MCTP1: variants seen among roughly 807,000 people sequenced by gnomAD.
MCTP1 encodes multiple C2 and transmembrane domain-containing protein 1.
Under a neutral mutation model 120.6 loss-of-function variants are expected in MCTP1, and 69 were observed. The observed-to-expected ratio is 0.57, with a 90% CI of 0.47 to 0.70. MCTP1 has a LOEUF of 0.70. Ranked by LOEUF, MCTP1 falls within the 30% of genes least tolerant of loss-of-function variation. The pLI, the probability that MCTP1 is intolerant of heterozygous loss-of-function variation, is 0.00. For missense variants in MCTP1, 1,203 were observed against 1,248.8 expected (o/e 0.96, Z 0.55); for synonymous variants, 529 against 493.1 (o/e 1.07, Z -0.96).
intron 1 of MCTP1, among the ~76,000 whole-genome samples, chr5:95,065,396 T>C (rs1404952460): frequency 6.6e-6 from 1 of 152,028 alleles, no homozygotes; most frequent in Non-Finnish European, 1.5e-5. Context: ...CAGAAACATA[T>C]ATAAATGATA....
intron 20 of MCTP1, among the ~76,000 whole-genome samples, chr5:94,711,771 C>T (rs1302050854): frequency 6.7e-6 from 1 of 148,332 alleles, no homozygotes; most frequent in Non-Finnish European, 1.5e-5. Context: ...TTTACTGAGA[C>T]AAAAAGGGAA....
rs1201996236 is a variant in MCTP1, at chr5:95,258,637, CAG to C, written c.720+25217_720+25218del. Reference sequence around the variant, plus strand: ...CTACAGTCATGTAAGCTACTAATAACAGGGGAAACTAGGTACAAAGTACATGG... The same window carrying C: ...CTACAGTCATGTAAGCTACTAATAACGGGAAACTAGGTACAAAGTACATGG... On this transcript the variant is annotated intron_variant, in intron 1 of 22. Transcript: ENST00000515393. Among the ~76,000 whole-genome samples, 29 of 152,268 alleles carry C rather than the reference CAG, an allele frequency of 1.9e-4. No homozygotes were observed. The South Asian group carries it at 2.1e-3, about 11-fold the overall frequency.
intron 1 of MCTP1, among the ~76,000 whole-genome samples, chr5:95,270,023 C>A (rs1759235072): frequency 6.6e-6 from 1 of 152,048 alleles, no homozygotes; most frequent in African/African-American, 2.4e-5. Flanking sequence ...TAAGATGAGG[C>A]TATAGAATAT....
intron 6 of MCTP1, among the ~76,000 whole-genome samples, chr5:94,929,082 A>T (rs552749446): frequency 2.4e-4 from 37 of 152,328 alleles, no homozygotes; most frequent in African/African-American, 8.2e-4. Flanking sequence ...AAGGAACAGG[A>T]AATTCCATGA....
chr5:94,800,651 T>A (rs983749886), intron 17 of MCTP1, among the ~76,000 whole-genome samples: 2 of 152,216 alleles, frequency 1.3e-5, no homozygotes, highest in African/African-American at 4.8e-5. Flanking sequence ...TTAATATTTC[T>A]CTAATATTTA....
chr5:94,812,207 ACT>A (rs1783572156), intron 17 of MCTP1, among the ~76,000 whole-genome samples: 1 of 152,126 alleles, frequency 6.6e-6, no homozygotes. Context: ...GTGATGTCAC[ACT>A]CTCACATGAT....
chr5:94,777,785 T>G (rs189139237), intron 19 of MCTP1, among the ~76,000 whole-genome samples: 2 of 152,126 alleles, frequency 1.3e-5, no homozygotes, highest in African/African-American at 2.4e-5. Flanking sequence ...CAAGCACATA[T>G]GTGTTTTTGC....
intron 17 of MCTP1, among the ~76,000 whole-genome samples, chr5:94,850,973 T>G (rs1466107338): frequency 1.3e-5 from 2 of 152,078 alleles, no homozygotes; most frequent in Non-Finnish European, 2.9e-5. Context: ...CATTCAATAT[T>G]TAGAGTAATT....
intron 1 of MCTP1, among the ~76,000 whole-genome samples, chr5:95,276,697 C>G (rs987674525): frequency 1.8e-4 from 28 of 151,574 alleles, no homozygotes; most frequent in Admixed American, 4.6e-4. Flanking sequence ...CGCCTGTAAT[C>G]CCAGCACTTT....
intron 2 of MCTP1, among the ~76,000 whole-genome samples, chr5:94,995,813 G>C (rs927623158): frequency 6.6e-6 from 1 of 152,092 alleles, no homozygotes; most frequent in African/African-American, 2.4e-5. Context: ...ACAAATGGAA[G>C]TAAAAAATGC....
chr5:94,723,337 T>A (rs747638247), intron 19 of MCTP1, among the ~76,000 whole-genome samples: 40 of 152,308 alleles, frequency 2.6e-4, no homozygotes, highest in Non-Finnish European at 5.3e-4. Context: ...AGATAGTATA[T>A]TTTTCTCTTA....
chr5:95,164,241 T>C (rs1746070642), intron 1 of MCTP1, among the ~76,000 whole-genome samples: 1 of 152,106 alleles, frequency 6.6e-6, no homozygotes, highest in Non-Finnish European at 1.5e-5. Flanking sequence ...GAAAATGATG[T>C]AAACAATTGA....
intron 1 of MCTP1, among the ~76,000 whole-genome samples, chr5:95,058,117 C>T (rs1397963908): frequency 6.6e-6 from 1 of 152,178 alleles, no homozygotes; most frequent in African/African-American, 2.4e-5. Flanking sequence ...TATTCATATT[C>T]TAATGGGATA....
intron 1 of MCTP1, among the ~76,000 whole-genome samples, chr5:95,096,393 A>G (rs957978177): frequency 1.3e-5 from 2 of 152,200 alleles, no homozygotes; most frequent in African/African-American, 2.4e-5. Context: ...TAAACCTCTT[A>G]TAACCAATAC....
At chr5:95,206,763 C>T (rs1751669118) in intron 1 of MCTP1, among the ~76,000 whole-genome samples, 1 of 152,158 alleles carries the variant, frequency 6.6e-6, no homozygotes, top group South Asian at 2.1e-4. Context: ...GTCTCCATCT[C>T]TTGAACTCGT....
chr5:95,219,557 C>G (rs1753450521), intron 1 of MCTP1, among the ~76,000 whole-genome samples: 1 of 152,062 alleles, frequency 6.6e-6, no homozygotes, highest in Non-Finnish European at 1.5e-5. Context: ...CCTGGACTCC[C>G]TACGGTCTTT....
intron 1 of MCTP1, among the ~76,000 whole-genome samples, chr5:95,214,131 T>C (rs1175414439): frequency 3.3e-5 from 5 of 152,352 alleles, no homozygotes; most frequent in African/African-American, 4.8e-5. Context: ...AAAGGGCTAA[T>C]ATCCAGAATC....
chr5:94,959,844 C>T (rs1823677704), intron 2 of MCTP1, among the ~76,000 whole-genome samples: 2 of 152,146 alleles, frequency 1.3e-5, no homozygotes, highest in Admixed American at 6.5e-5. Flanking sequence ...GCCATACTGC[C>T]CAAAGTAATT....
chr5:95,147,444 A>C (rs1760497874), intron 1 of MCTP1, among the ~76,000 whole-genome samples: 1 of 152,170 alleles, frequency 6.6e-6, no homozygotes, highest in African/African-American at 2.4e-5. Flanking sequence ...ACCCTTTGCC[A>C]TTATGTAATG....
Sources: allele counts gnomAD v4.1 joint callset (sites outside exome capture counted in the v4.1 genomes callset), GRCh38; gene constraint gnomAD v4.1.1; transcripts MANE v1.5; gene names NCBI Gene and HGNC (gene_info 2026-07-23, HGNC 2026-07-21).